MACF1: variants seen among roughly 807,000 people sequenced by gnomAD.
MACF1 encodes microtubule-actin cross-linking factor 1.
In MACF1, 193 loss-of-function variants were observed where a neutral mutation model predicts 854.8. That is an observed-to-expected ratio of 0.23 (90% CI 0.20 to 0.25). MACF1 has a LOEUF of 0.25. Ranked by LOEUF, MACF1 falls within the 10% of genes least tolerant of loss-of-function variation. The pLI is 1.00. For synonymous variants in MACF1, 3,185 were observed against 3,226.7 expected (o/e 0.99, Z 0.44); for missense variants, 7,722 against 8,929.1 (o/e 0.86, Z 5.45).
intron 36 of MACF1, among the ~76,000 whole-genome samples, chr1:39,329,370 G>A (rs1473191328): frequency 6.6e-6 from 1 of 152,178 alleles, no homozygotes; most frequent in Non-Finnish European, 1.5e-5. Context: ...TCTAACACCT[G>A]AGGGGAAATG....
At chr1:39,144,935 T>C (rs1161008493) in intron 2 of MACF1, among the ~76,000 whole-genome samples, 2 of 152,196 alleles carry the variant, frequency 1.3e-5, no homozygotes, top group African/African-American at 4.8e-5. Context: ...ATTAAACCTG[T>C]TCTCTGCTGT....
intron 49 of MACF1, among the ~76,000 whole-genome samples, chr1:39,366,096 A>AT (rs1325281369): frequency 2.6e-5 from 4 of 151,802 alleles, no homozygotes; most frequent in African/African-American, 4.8e-5. Context: ...GTCCTCCTCA[A>AT]TTTTTTTCTT....
Position 39,295,076 on chromosome 1 carries a change from G to C in MACF1, c.2185G>C (p.Asp729His). 6.2e-7 allele frequency: 1 copy of C among 1,613,944 alleles called. No individual in the cohort carries two copies. The highest frequency in any genetic ancestry group is 1.1e-5 in the South Asian group (1 of 91,062). ...GACAATGGAACTGGAGGAGAAACAGGATGTGTTTCGTTCTCTACAAGATAC... is the reference window on the plus strand; with the variant it reads ...GACAATGGAACTGGAGGAGAAACAGCATGTGTTTCGTTCTCTACAAGATAC... Reference protein sequence around the residue: ...ELTMELEEKQDVFRSLQDTAE... With the variant: ...ELTMELEEKQHVFRSLQDTAE... Residue 729 changes from aspartate (D) to histidine (H), a missense_variant, in exon 19 of 101, where the codon GAT becomes CAT. By Grantham distance (81) the Asp-to-His change is moderately conservative. This residue lies in a region of MACF1 where 1,137 missense variants were observed against 1,263.0 expected (regional missense o/e 0.90). Coordinates refer to ENST00000564288, the MANE Select transcript of MACF1 (RefSeq NM_001394062.1).
chr1:39,287,689 G>C, intron 15 of MACF1, 127 bp downstream of exon 15: 4 of 1,060,316 alleles, frequency 3.8e-6, no homozygotes, highest in Non-Finnish European at 5.5e-6. Flanking sequence ...TCTTTTATTT[G>C]AGTGATGGGG....
chr1:39,432,555 A>G lies in MACF1; in HGVS notation c.17358A>G (p.Ala5786=). 1 of 1,614,110 alleles carries G rather than the reference A, an allele frequency of 6.2e-7. No individual in the cohort carries two copies. The highest frequency in any genetic ancestry group is 2.2e-5 in the East Asian group (1 of 44,876). The stretch of plus-strand genomic sequence containing the variant: ...ATTAGTATGAGCAAGCTGCCGATGC[A>G]GAACTAGCTTGGGTTGCTGAAACAA... ...RSQQYEQAAD[A]ELAWVAETKR... Residue 5786 remains alanine (A), a synonymous_variant, in exon 67 of 101, where the codon GCA becomes GCG. Transcript: ENST00000564288.
chr1:39,315,452 T>C, intron 26 of MACF1, 61 bp from the exon 27 acceptor site: 2 of 1,528,200 alleles, frequency 1.3e-6, no homozygotes, highest in Non-Finnish European at 1.8e-6. Context: ...AAATGTGGAC[T>C]TCTTTCTACC....
At chr1:39,260,138 C>T (rs1645144676) in intron 6 of MACF1, among the ~76,000 whole-genome samples, 1 of 151,988 alleles carries the variant, frequency 6.6e-6, no homozygotes. Flanking sequence ...CAAATAGCTC[C>T]ATCTTTGGCT....
chr1:39,187,555 A>G (rs979621046), intron 2 of MACF1, among the ~76,000 whole-genome samples: 2 of 151,896 alleles, frequency 1.3e-5, no homozygotes, highest in African/African-American at 4.8e-5. Context: ...CCATTTTTTC[A>G]TTGTGGTATA....
chr1:39,434,691 A>G lies in MACF1; in HGVS notation c.17784+59A>G, dbSNP rs1643933869. On this transcript the variant is annotated intron_variant, in intron 69 of 100. Transcript: ENST00000564288. ...TAAAATGGTCTCTATAATTTATTTAAAAACAACATTTGTTAGTGTCTATAG... is the reference window on the plus strand; with the variant it reads ...TAAAATGGTCTCTATAATTTATTTAGAAACAACATTTGTTAGTGTCTATAG... 1.0e-5 allele frequency: 15 copies of G among 1,493,818 alleles called. No homozygotes were observed. In the South Asian group the frequency reaches 1.7e-4, roughly 17 times the overall value. The allele number at this position is 1,493,818 out of a possible 1,614,324, so 92.5% of individuals were successfully genotyped here.
At chr1:39,216,234 A>G (rs952310441) in intron 1 of MACF1, among the ~76,000 whole-genome samples, 1 of 152,220 alleles carries the variant, frequency 6.6e-6, no homozygotes, top group Non-Finnish European at 1.5e-5. Flanking sequence ...CCTACTTTCT[A>G]ATGTTAAAAT....
At chr1:39,205,502 A>G (rs754029871) in intron 1 of MACF1, among the ~76,000 whole-genome samples, 2 of 152,136 alleles carry the variant, frequency 1.3e-5, no homozygotes, top group Non-Finnish European at 2.9e-5. Flanking sequence ...TTTTTAACTG[A>G]AAACATACAG....
At chr1:39,115,259 G>T (rs561145300) in intron 2 of MACF1, among the ~76,000 whole-genome samples, 191 of 152,320 alleles carry the variant, frequency 1.3e-3, no homozygotes, top group African/African-American at 4.4e-3. Flanking sequence ...TTAGGAAGCT[G>T]TCACAGGAAT....
chr1:39,297,389 G>A (rs1645946493), intron 20 of MACF1, among the ~76,000 whole-genome samples: 1 of 152,174 alleles, frequency 6.6e-6, no homozygotes, highest in Admixed American at 6.5e-5. Context: ...GGTGAAACAG[G>A]CTAACTTTTC....
At position 39,310,239 on chromosome 1, in the gene MACF1, T is replaced by C. The variant is rs1237789303; in HGVS notation, c.2917-6T>C. ...GTTGCAATTTCTTCTGGCTTTTTCT[T>C]TCTAGCTTCGATCCTCAGCACCAGG... is the stretch of plus-strand genomic sequence containing the variant. On this transcript the variant is annotated splice_region_variant and splice_polypyrimidine_tract_variant and intron_variant, in intron 24 of 100. Coordinates refer to ENST00000564288, the MANE Select transcript of MACF1 (RefSeq NM_001394062.1). 1.6e-5 allele frequency: 25 copies of C among 1,599,366 alleles called. No individual in the cohort carries two copies. Among genetic ancestry groups the C allele is most frequent in the Non-Finnish European group, 2.1e-5 (25 of 1,175,000 alleles).
chr1:39,454,921 G>A lies in MACF1; in HGVS notation c.20899G>A (p.Ala6967Thr). The A allele has an allele frequency of 6.2e-7, 1 of 1,613,982 alleles. No individual in the cohort carries two copies. Among genetic ancestry groups the A allele is most frequent in the Non-Finnish European group, 8.5e-7 (1 of 1,179,928 alleles). ...TCTTTTTCCACAGGTCCTGACATGG[G>A]CTAAGCAGCACCAGCAGCGTCTTGA... is the stretch of plus-strand genomic sequence containing the variant. Reference protein sequence around the residue: ...RARFEEVLTWAKQHQQRLETA... With the variant: ...RARFEEVLTWTKQHQQRLETA... The change falls in exon 89 of 101, where the codon GCT becomes ACT. Residue 6967 changes from alanine (A) to threonine (T), a missense_variant. Coordinates refer to ENST00000564288, the MANE Select transcript of MACF1 (RefSeq NM_001394062.1).
chr1:39,251,703 G>C (rs2148334460), intron 3 of MACF1, 143 bp from the exon 4 acceptor site: 1 of 440,456 alleles, frequency 2.3e-6, no homozygotes, highest in African/African-American at 2.0e-5. Flanking sequence ...TTTTGATTTA[G>C]TTTTGTATCT....
At chr1:39,311,091 G>T in intron 26 of MACF1, 91 bp downstream of exon 26, 1 of 1,390,114 alleles carries the variant, frequency 7.2e-7, no homozygotes, top group Non-Finnish European at 9.8e-7. Context: ...AAGAAATGAG[G>T]CAATAGACTC....
chr1:39,261,539 T>C (rs541144879), intron 6 of MACF1, among the ~76,000 whole-genome samples: 9 of 152,362 alleles, frequency 5.9e-5, no homozygotes. Context: ...GGACATTTCA[T>C]ATAAATGGAA....
intron 52 of MACF1, among the ~76,000 whole-genome samples, chr1:39,373,777 C>T (rs1013007419): frequency 9.3e-5 from 14 of 150,282 alleles, no homozygotes; most frequent in East Asian, 2.0e-4. Context: ...GGCTTGAACC[C>T]GGGAGGCAGA....
Sources: allele counts gnomAD v4.1 joint callset (sites outside exome capture counted in the v4.1 genomes callset), GRCh38; gene constraint gnomAD v4.1.1; regional missense constraint gnomAD v4.1.1; transcripts MANE v1.5; gene names NCBI Gene and HGNC (gene_info 2026-07-23, HGNC 2026-07-21).